The following TMEM164 variants were observed in gnomAD, a reference collection of about 807,000 sequenced individuals.
The protein encoded by TMEM164 is transmembrane protein 164.
TMEM164 carries 4 observed loss-of-function variants against 18.8 expected under a neutral mutation model. The ratio of observed to expected loss-of-function variants is 0.21; its 90% CI spans 0.10 to 0.49. The LOEUF (loss-of-function observed/expected upper bound fraction) is 0.49, where lower values mean the gene tolerates loss of function less well. Ranked by LOEUF, TMEM164 falls within the 20% of genes least tolerant of loss-of-function variation. The pLI is 0.98. For missense variants in TMEM164, 108 were observed against 239.9 expected, an observed-to-expected ratio of 0.45 and a Z score of 3.63; for synonymous variants, 86 against 101.7, an observed-to-expected ratio of 0.85 and a Z score of 0.93.
In TMEM164 at chrX:110,175,960, C is replaced by T; in HGVS notation, c.*2509C>T. ...CTGTGCCGGCCCTCTACTGCCCCAG[C>T]TTTGGTACAGGAGTGAGGGAGAAGC... On this transcript the variant is annotated 3_prime_UTR_variant, in exon 7 of 7. Transcript: ENST00000372068. The T allele has an allele frequency of 1.3e-6, 1 of 756,510 alleles. No individual in the cohort carries two copies. The highest frequency in any genetic ancestry group is 1.6e-6 in the Non-Finnish European group (1 of 639,666). 62.3% of individuals were successfully genotyped at this position (756,510 alleles called of 1,213,427 possible). A position where few individuals can be genotyped will look rare whatever the true frequency, so the allele number is the denominator to read the frequency against.
intron 2 of TMEM164, among the ~76,000 whole-genome samples, chrX:110,060,266 G>GAAAAAAAAAAAAAAAAAAAA (rs140796343): frequency 3.9e-5 from 2 of 51,493 alleles, no homozygotes; most frequent in Non-Finnish European, 3.3e-5. Context: ...GACCCTGTCT[G>GAAAAAAAAAAAAAAAAAAAA]AAAAAAAAAA....
intron 3 of TMEM164, among the ~76,000 whole-genome samples, chrX:110,088,934 G>A (rs1297035350): frequency 1.8e-5 from 2 of 111,965 alleles, no homozygotes; most frequent in African/African-American, 6.5e-5. Flanking sequence ...GTACTCAGCA[G>A]AGGAATGAGG....
intron 3 of TMEM164, among the ~76,000 whole-genome samples, chrX:110,071,677 C>T (rs754046195): frequency 8.5e-5 from 7 of 82,693 alleles, no homozygotes; most frequent in Non-Finnish European, 1.3e-4. Context: ...GCCAGGAATT[C>T]GGGACCAGCC....
At chrX:110,115,820 T>TG (rs1403635207) in intron 4 of TMEM164, among the ~76,000 whole-genome samples, 1 of 112,290 alleles carries the variant, frequency 8.9e-6, no homozygotes, top group Admixed American at 9.5e-5. Context: ...TTGGGCATGG[T>TG]GGCTCATACC....
chrX:110,020,693 C>G, intron 2 of TMEM164: 1 of 753,588 alleles, frequency 1.3e-6, no homozygotes, highest in Non-Finnish European at 1.6e-6. Context: ...ACAGGCTGGT[C>G]CCTGTGGCCA....
intron 4 of TMEM164, among the ~76,000 whole-genome samples, chrX:110,123,934 A>G (rs1264644629): frequency 1.8e-5 from 2 of 111,605 alleles, no homozygotes; most frequent in African/African-American, 6.5e-5. Flanking sequence ...CAACATAGTG[A>G]GACCGGTCTC....
intron 6 of TMEM164, among the ~76,000 whole-genome samples, chrX:110,172,765 C>A (rs138830760): frequency 0.012 from 1,377 of 112,127 alleles, 8 homozygotes; most frequent in Non-Finnish European, 0.019. Flanking sequence ...TCTCTGAGGA[C>A]TCAGCCCCCA....
chrX:110,070,587 G>A (rs955410121), intron 3 of TMEM164, among the ~76,000 whole-genome samples: 1 of 109,793 alleles, frequency 9.1e-6, no homozygotes, highest in Admixed American at 9.8e-5. Flanking sequence ...TATTCCTCAA[G>A]AATTAACAGC....
intron 3 of TMEM164, among the ~76,000 whole-genome samples, chrX:110,107,030 G>C (rs972656254): frequency 1.8e-5 from 2 of 111,883 alleles, no homozygotes; most frequent in African/African-American, 6.5e-5. Context: ...TGATGGCCTT[G>C]TTTAGCCAAA....
At chrX:110,035,884 A>AG (rs1472820940) in intron 2 of TMEM164, among the ~76,000 whole-genome samples, 1 of 109,898 alleles carries the variant, frequency 9.1e-6, no homozygotes, top group African/African-American at 3.3e-5. Context: ...TTACCAGGAC[A>AG]GGGGTATGGA....
At chrX:110,020,657 A>G (rs1349864924) in intron 2 of TMEM164, 4 of 754,164 alleles carry the variant, frequency 5.3e-6, no homozygotes, top group Non-Finnish European at 6.3e-6. Flanking sequence ...GGAGGACCTG[A>G]GAGAAGGTAA....
intron 3 of TMEM164, among the ~76,000 whole-genome samples, chrX:110,108,070 G>C (rs1046374928): frequency 1.6e-4 from 11 of 67,392 alleles, no homozygotes; most frequent in East Asian, 4.3e-4. Flanking sequence ...GAGGTATGCT[G>C]TGTGTGTGTG....
chrX:110,142,851 G>A (rs2066790434), intron 4 of TMEM164, among the ~76,000 whole-genome samples: 1 of 112,845 alleles, frequency 8.9e-6, no homozygotes, highest in African/African-American at 3.2e-5. Flanking sequence ...TGCCTCCCTG[G>A]ACATTCAGGT....
intron 2 of TMEM164, among the ~76,000 whole-genome samples, chrX:110,019,411 A>C (rs187123967): frequency 9.0e-6 from 1 of 111,056 alleles, no homozygotes; most frequent in Non-Finnish European, 1.9e-5. Flanking sequence ...TATCACTGTC[A>C]TCATCATCAC....
At chrX:110,049,852 G>A (rs1371350295) in intron 2 of TMEM164, among the ~76,000 whole-genome samples, 1 of 110,948 alleles carries the variant, frequency 9.0e-6, no homozygotes. Flanking sequence ...TCTCCATTTG[G>A]CTTTCAGTAG....
At chrX:110,033,753 C>A (rs958125010) in intron 2 of TMEM164, among the ~76,000 whole-genome samples, 1 of 111,461 alleles carries the variant, frequency 9.0e-6, no homozygotes, top group Admixed American at 9.5e-5. Context: ...CAGATACTTT[C>A]TAATCTCTCC....
downstream of TMEM164, among the ~76,000 whole-genome samples, chrX:110,179,008 C>T (rs945869730): frequency 2.7e-5 from 3 of 111,128 alleles, no homozygotes; most frequent in Non-Finnish European, 3.8e-5. Context: ...GAAAGAGAGC[C>T]GGGCAGTGGT....
chrX:110,032,936 A>G (rs1934583832), intron 2 of TMEM164, among the ~76,000 whole-genome samples: 1 of 112,406 alleles, frequency 8.9e-6, no homozygotes, highest in Non-Finnish European at 1.9e-5. Context: ...GGCTAAAACA[A>G]AGCATGTATT....
chrX:110,102,108 T>A (rs1268039490), intron 3 of TMEM164, among the ~76,000 whole-genome samples: 1 of 104,943 alleles, frequency 9.5e-6, no homozygotes, highest in Non-Finnish European at 1.9e-5. Context: ...GGTGGATTGC[T>A]TGAGGCCAGG....
Sources: gnomAD v4.1 joint callset for allele counts (sites outside exome capture counted in the v4.1 genomes callset) on GRCh38, gnomAD v4.1.1 for gene constraint, MANE v1.5 for transcripts, NCBI Gene and HGNC (gene_info 2026-07-23, HGNC 2026-07-21) for gene names.